The following IMPG2 variants were observed in gnomAD, a reference collection of about 807,000 sequenced individuals.
IMPG2 encodes interphotoreceptor matrix proteoglycan 2, also known as IPM 200.
In IMPG2, 91 loss-of-function variants were observed where a neutral mutation model predicts 129.2. The ratio of observed to expected loss-of-function variants is 0.70; its 90% CI spans 0.59 to 0.84. The LOEUF (loss-of-function observed/expected upper bound fraction) is 0.84, where lower values mean the gene tolerates loss of function less well. Ranked by LOEUF, IMPG2 falls within the 40% of genes least tolerant of loss-of-function variation. IMPG2 has a pLI of 0.00. For missense variants in IMPG2, 1,430 were observed against 1,461.7 expected (o/e 0.98, Z 0.35); for synonymous variants, 510 against 517.7 (o/e 0.99, Z 0.20).
chr3:101,253,750 A>T lies in IMPG2; in HGVS notation c.1185T>A (p.Asp395Glu), dbSNP rs150515738. The T allele has an allele frequency of 9.3e-6, 15 of 1,611,678 alleles. No homozygotes were observed. Among genetic ancestry groups the T allele is most frequent in the Admixed American group, 1.7e-5 (1 of 59,674 alleles). ...TTGAACTTTGGGTGTTCCAAACTAG[A>T]TCTTCAGTTTGGTGACGCAAAACTC... ...VRGVLRHQTE[D>E]LVWNTQSSSL... The change falls in exon 11 of 19, where the codon GAT (aspartate) becomes GAA (glutamate). Residue 395 changes from aspartate (D) to glutamate (E), a missense_variant. Physicochemically the swap from Asp to Glu is conservative, Grantham distance 45. Transcript: ENST00000193391.
At chr3:101,270,123 G>A (rs540031902) in intron 7 of IMPG2, among the ~76,000 whole-genome samples, 6 of 151,676 alleles carry the variant, frequency 4.0e-5, no homozygotes, top group Non-Finnish European at 5.9e-5. Flanking sequence ...TTTTACTAGA[G>A]GCGGGGTTTC....
At chr3:101,232,588 A>G (rs1706301046) in intron 15 of IMPG2, among the ~76,000 whole-genome samples, 193 bp downstream of exon 15, 1 of 152,062 alleles carries the variant, frequency 6.6e-6, no homozygotes, top group Non-Finnish European at 1.5e-5. Flanking sequence ...AACAGCATAA[A>G]TTACTGAATT....
chr3:101,287,128 G>A (rs1157187625), intron 4 of IMPG2, among the ~76,000 whole-genome samples: 2 of 152,114 alleles, frequency 1.3e-5, no homozygotes, highest in Non-Finnish European at 2.9e-5. Flanking sequence ...TACTGTCAGG[G>A]TATAGTAACA....
intron 15 of IMPG2, among the ~76,000 whole-genome samples, chr3:101,232,557 A>T (rs1214822166): frequency 1.6e-4 from 24 of 149,092 alleles, no homozygotes; most frequent in East Asian, 3.9e-4. Flanking sequence ...TATTTAGACA[A>T]TTTTTTTTTT....
At position 101,304,244 on chromosome 3, in the gene IMPG2, G is replaced by A; in HGVS notation, c.403C>T (p.His135Tyr). 6.2e-7 allele frequency: 1 copy of A among 1,613,864 alleles called. No individual in the cohort carries two copies. The highest frequency in any genetic ancestry group is 1.1e-5 in the South Asian group (1 of 91,072). ...TCCTCACACAAATTCATCCAGTAATGATATTCCTCACGCCCAGGAAGTCGA... is the reference window on the plus strand; with the variant it reads ...TCCTCACACAAATTCATCCAGTAATAATATTCCTCACGCCCAGGAAGTCGA... ...WDRLPGREEY[H>Y]YWMNLCEDGV... The change falls in exon 3 of 19, where the codon CAT becomes TAT. Residue 135 changes from histidine to tyrosine, a missense_variant. His to Tyr is a moderately conservative substitution (Grantham distance 83). Transcript: ENST00000193391.
chr3:101,231,196 G>T, intron 15 of IMPG2, 51 bp from the exon 16 acceptor site: 3 of 1,545,668 alleles, frequency 1.9e-6, no homozygotes, highest in South Asian at 1.1e-5. Flanking sequence ...TGCTCACACT[G>T]ACAATTAACA....
At chr3:101,294,581 G>C (rs966920034) in intron 3 of IMPG2, among the ~76,000 whole-genome samples, 1 of 152,180 alleles carries the variant, frequency 6.6e-6, no homozygotes, top group Non-Finnish European at 1.5e-5. Context: ...ATAGCAGAAT[G>C]ATTTATATTC....
At chr3:101,273,454 G>A in intron 7 of IMPG2, 127 bp downstream of exon 7, 1 of 932,718 alleles carries the variant, frequency 1.1e-6, no homozygotes, top group Non-Finnish European at 1.6e-6. Context: ...AAATGGCTAA[G>A]TAACCACTCC....
chr3:101,311,761 C>A (rs1243913404), intron 2 of IMPG2, among the ~76,000 whole-genome samples: 4 of 152,030 alleles, frequency 2.6e-5, no homozygotes, highest in Non-Finnish European at 4.4e-5. Context: ...CCAAAGTAAT[C>A]TTTAAAAACA....
In IMPG2 at chr3:101,243,893, G is replaced by A. The variant is rs759708782; in HGVS notation, c.2438C>T (p.Thr813Ile). ...GGTTGGAGGCAATTTGGTAGACTGT[G>A]TCACAGATAACCAGAGCCTGTCAGC... ...QSADRLWLSV[T>I]QSTKLPPTTI... The change falls in exon 13 of 19, where the codon ACA becomes ATA. Residue 813 changes from threonine to isoleucine, a missense_variant. Physicochemically the swap from Thr to Ile is moderately conservative, Grantham distance 89. Transcript: ENST00000193391. 1.9e-6 allele frequency: 3 copies of A among 1,614,230 alleles called. No homozygotes were observed. Among genetic ancestry groups the A allele is most frequent in the Non-Finnish European group, 1.7e-6 (2 of 1,180,030 alleles).
intron 11 of IMPG2, among the ~76,000 whole-genome samples, chr3:101,250,647 T>C (rs887143694): frequency 1.3e-5 from 2 of 152,062 alleles, no homozygotes; most frequent in Admixed American, 6.6e-5. Context: ...CATCCAGAGG[T>C]CTCTACAAGT....
intron 14 of IMPG2, among the ~76,000 whole-genome samples, chr3:101,238,778 A>G (rs1041573503): frequency 6.6e-6 from 1 of 152,238 alleles, no homozygotes; most frequent in African/African-American, 2.4e-5. Flanking sequence ...CCAAATTATA[A>G]AGAACATTGA....
chr3:101,256,214 A>AACG (rs1491520793), intron 10 of IMPG2, among the ~76,000 whole-genome samples: 50 of 150,418 alleles, frequency 3.3e-4, no homozygotes, highest in African/African-American at 1.1e-3. Context: ...AGAAAGAAAG[A>AACG]AAGAAAAAAA....
intron 3 of IMPG2, among the ~76,000 whole-genome samples, chr3:101,291,994 T>C (rs1283931861): frequency 6.6e-6 from 1 of 152,186 alleles, no homozygotes; most frequent in African/African-American, 2.4e-5. Context: ...CCAGGGGCAT[T>C]CTAAAGCAAA....
At chr3:101,294,114 G>A (rs900432885) in intron 3 of IMPG2, among the ~76,000 whole-genome samples, 3 of 152,094 alleles carry the variant, frequency 2.0e-5, no homozygotes, top group Non-Finnish European at 4.4e-5. Flanking sequence ...TGGGATACAA[G>A]TGTAGAATGT....
chr3:101,308,046 C>A (rs1192746174), intron 2 of IMPG2, among the ~76,000 whole-genome samples: 1 of 152,256 alleles, frequency 6.6e-6, no homozygotes, highest in Non-Finnish European at 1.5e-5. Context: ...CCATGTCTCA[C>A]ATCCATGTCA....
At chr3:101,252,148 C>G (rs1453562447) in intron 11 of IMPG2, among the ~76,000 whole-genome samples, 2 of 152,200 alleles carry the variant, frequency 1.3e-5, no homozygotes, top group African/African-American at 4.8e-5. Context: ...CAGCCACTTT[C>G]TGCCACAAGG....
chr3:101,243,513 C>A lies in IMPG2; in HGVS notation c.2802+16G>T. 6.2e-7 allele frequency: 1 copy of A among 1,612,068 alleles called. No homozygotes were observed. Among genetic ancestry groups the A allele is most frequent in the South Asian group, 1.1e-5 (1 of 90,880 alleles). ...TGATTATTCACTAGTGCCCATGTTT[C>A]ACTTTTTATGCTTACCAATTCTAAG... On this transcript the variant is annotated intron_variant, in intron 13 of 18. Coordinates refer to ENST00000193391, the MANE Select transcript of IMPG2 (RefSeq NM_016247.4).
Position 101,320,386 on chromosome 3 carries a change from A to C in IMPG2, c.-14T>G. 1 of 1,545,682 alleles carries C rather than the reference A, an allele frequency of 6.5e-7. No homozygotes were observed. Among genetic ancestry groups the C allele is most frequent in the South Asian group, 1.1e-5 (1 of 89,428 alleles). On this transcript the variant is annotated 5_prime_UTR_variant, in exon 1 of 19. Transcript: ENST00000193391. The stretch of plus-strand genomic sequence containing the variant: ...AAACATAATCATTTGGGCCAAAACC[A>C]AAGGAATGAGGAGAGGACAGAATCC...
Sources: allele counts gnomAD v4.1 joint callset (sites outside exome capture counted in the v4.1 genomes callset), GRCh38; gene constraint gnomAD v4.1.1; transcripts MANE v1.5; gene names NCBI Gene and HGNC (gene_info 2026-07-23, HGNC 2026-07-21).